The following SAMD4A variants were observed in gnomAD, a reference collection of about 807,000 sequenced individuals.
The protein encoded by SAMD4A is sterile alpha motif domain containing 4A, also known as protein Smaug homolog 1.
SAMD4A carries 33 observed loss-of-function variants against 81.3 expected under a neutral mutation model. That is an observed-to-expected ratio of 0.41 (90% confidence interval 0.31 to 0.54). The LOEUF (loss-of-function observed/expected upper bound fraction) is 0.54, where lower values mean the gene tolerates loss of function less well. Ranked by LOEUF, SAMD4A falls within the 20% of genes least tolerant of loss-of-function variation. The pLI, the probability that SAMD4A is intolerant of heterozygous loss-of-function variation, is 0.37. For missense variants in SAMD4A, 854 were observed against 951.1 expected (o/e 0.90, Z 1.34); for synonymous variants, 389 against 382.1 (o/e 1.02, Z -0.21).
chr14:54,770,279 CT>C, intron 9 of SAMD4A, 57 bp downstream of exon 9: 1 of 1,192,168 alleles, frequency 8.4e-7, no homozygotes, highest in Non-Finnish European at 1.2e-6. Context: ...GCCTTGTTGC[CT>C]ACCTCGGTTC....
At chr14:54,625,334 T>C (rs1320537651) in intron 2 of SAMD4A, among the ~76,000 whole-genome samples, 2 of 152,268 alleles carry the variant, frequency 1.3e-5, no homozygotes, top group Non-Finnish European at 2.9e-5. Context: ...ATTACTCCTA[T>C]GTTTCTGCAT....
chr14:54,694,408 C>T (rs1356855253), intron 2 of SAMD4A: 1 of 154,594 alleles, frequency 6.5e-6, no homozygotes, highest in Admixed American at 6.6e-5. Flanking sequence ...AAGGTTTTGA[C>T]CTGAGCAATT....
At chr14:54,724,020 G>GGAAGGAAGGAA (rs1555347567) in intron 3 of SAMD4A, among the ~76,000 whole-genome samples, 19 of 144,958 alleles carry the variant, frequency 1.3e-4, no homozygotes, top group Middle Eastern at 7.1e-3. Flanking sequence ...AAGGAAGGAA[G>GGAAGGAAGGAA]GAAGGAAGGA....
chr14:54,611,005 A>C (rs1211910703), intron 2 of SAMD4A, among the ~76,000 whole-genome samples: 1 of 152,230 alleles, frequency 6.6e-6, no homozygotes, highest in Non-Finnish European at 1.5e-5. Context: ...TCATCATTAG[A>C]GTTTATAGCA....
chr14:54,604,000 T>A (rs2034133084), intron 2 of SAMD4A, among the ~76,000 whole-genome samples: 1 of 152,064 alleles, frequency 6.6e-6, no homozygotes, highest in Non-Finnish European at 1.5e-5. Flanking sequence ...AATTTTTGTA[T>A]TTTTAGTAGA....
intron 8 of SAMD4A, among the ~76,000 whole-genome samples, chr14:54,766,913 G>A (rs952486220): frequency 6.6e-6 from 1 of 152,118 alleles, no homozygotes; most frequent in African/African-American, 2.4e-5. Flanking sequence ...CATCCTGCAT[G>A]TCCTCCCTTG....
intron 2 of SAMD4A, among the ~76,000 whole-genome samples, chr14:54,622,987 G>A (rs888552196): frequency 1.3e-5 from 2 of 152,222 alleles, no homozygotes; most frequent in Non-Finnish European, 2.9e-5. Flanking sequence ...AAGTGTTCTA[G>A]GATTGGTTGT....
At chr14:54,734,917 A>G (rs1289193242) in intron 3 of SAMD4A, 1 of 152,196 alleles carries the variant, frequency 6.6e-6, no homozygotes, top group Admixed American at 6.5e-5. Context: ...CCTCTTTGAC[A>G]AGCCCTGTTT....
At chr14:54,639,718 T>G (rs1197038276) in intron 2 of SAMD4A, among the ~76,000 whole-genome samples, 1 of 152,096 alleles carries the variant, frequency 6.6e-6, no homozygotes, top group African/African-American at 2.4e-5. Flanking sequence ...AGCACTGTAC[T>G]GTCATTTCTC....
chr14:54,638,795 G>A (rs2035097747), intron 2 of SAMD4A, among the ~76,000 whole-genome samples: 2 of 152,074 alleles, frequency 1.3e-5, no homozygotes, highest in South Asian at 4.2e-4. Context: ...ATAATTTCTG[G>A]CCTAGCTAGA....
intron 2 of SAMD4A, among the ~76,000 whole-genome samples, chr14:54,613,523 G>T (rs1215349051): frequency 6.6e-6 from 1 of 152,184 alleles, no homozygotes; most frequent in Non-Finnish European, 1.5e-5. Context: ...TGAGATGTTT[G>T]AGCCATTATG....
chr14:54,683,735 A>T (rs2140591253), intron 2 of SAMD4A, among the ~76,000 whole-genome samples: 1 of 152,346 alleles, frequency 6.6e-6, no homozygotes, highest in Non-Finnish European at 1.5e-5. Flanking sequence ...TTCAAGGCAA[A>T]AGGCTTTTTC....
chr14:54,584,499 C>A (rs537219505), intron 2 of SAMD4A, among the ~76,000 whole-genome samples: 5 of 152,252 alleles, frequency 3.3e-5, no homozygotes, highest in African/African-American at 9.6e-5. Flanking sequence ...AAATCCAAAG[C>A]ATTAAAGAAG....
intron 12 of SAMD4A, among the ~76,000 whole-genome samples, chr14:54,788,259 C>T (rs1349012103): frequency 1.3e-5 from 2 of 152,194 alleles, no homozygotes; most frequent in Non-Finnish European, 2.9e-5. Context: ...TCCCCAGTGT[C>T]TCATCAGGGA....
chr14:54,617,783 A>G (rs909708844), intron 2 of SAMD4A, among the ~76,000 whole-genome samples: 1 of 152,180 alleles, frequency 6.6e-6, no homozygotes, highest in Non-Finnish European at 1.5e-5. Flanking sequence ...TCCCACAACA[A>G]TTCATTTCTC....
chr14:54,569,599 G>A (rs1185268334), intron 2 of SAMD4A, among the ~76,000 whole-genome samples: 1 of 152,212 alleles, frequency 6.6e-6, no homozygotes, highest in East Asian at 1.9e-4. Context: ...TCACTGGGGT[G>A]TGGAAGCATA....
At chr14:54,602,323 T>TAC (rs3049830) in intron 2 of SAMD4A, among the ~76,000 whole-genome samples, 5,982 of 136,340 alleles carry the variant, frequency 0.044, 162 homozygotes, top group Admixed American at 0.068. Flanking sequence ...TGCTTTAAAA[T>TAC]ACACACACAC....
intron 2 of SAMD4A, among the ~76,000 whole-genome samples, chr14:54,641,091 CTG>C (rs754644332): frequency 2.0e-5 from 3 of 152,220 alleles, no homozygotes; most frequent in Non-Finnish European, 4.4e-5. Context: ...CTGTTGAAAA[CTG>C]TGCACTCAGA....
chr14:54,587,942 AAT>A (rs1429971247), intron 2 of SAMD4A, among the ~76,000 whole-genome samples: 2 of 152,084 alleles, frequency 1.3e-5, no homozygotes, highest in African/African-American at 2.4e-5. Flanking sequence ...TATCTTTTGG[AAT>A]AGTGTCAATA....
Sources: gnomAD v4.1 joint callset for allele counts (sites outside exome capture counted in the v4.1 genomes callset) on GRCh38, gnomAD v4.1.1 for gene constraint, MANE v1.5 for transcripts, NCBI Gene and HGNC (gene_info 2026-07-23, HGNC 2026-07-21) for gene names.